Variants in ADGRV1 observed in about 807,000 individuals in gnomAD.
ADGRV1 encodes the protein adhesion G protein-coupled receptor V1, also known as G-protein coupled receptor 98.
In ADGRV1, 359 loss-of-function variants were observed where a neutral mutation model predicts 596.2. The ratio of observed to expected loss-of-function variants is 0.60; its 90% CI spans 0.55 to 0.66. The LOEUF (loss-of-function observed/expected upper bound fraction) is 0.66, where lower values mean the gene tolerates loss of function less well. Ranked by LOEUF, ADGRV1 falls within the 30% of genes least tolerant of loss-of-function variation. The probability of loss-of-function intolerance (pLI) is 0.00; values close to 1 mark genes in which losing one functional copy is unlikely to be tolerated. For synonymous variants in ADGRV1, 2,681 were observed against 2,679.2 expected (o/e 1.00, Z -0.02); for missense variants, 7,274 against 7,575.6 (o/e 0.96, Z 1.48).
chr5:91,099,839 A>C (rs1208105055), intron 86 of ADGRV1, among the ~76,000 whole-genome samples: 1 of 152,184 alleles, frequency 6.6e-6, no homozygotes, highest in Non-Finnish European at 1.5e-5. Context: ...CAATATATAG[A>C]GATAGATAGA....
At chr5:90,686,662 C>T (rs1451239481) in intron 29 of ADGRV1, among the ~76,000 whole-genome samples, 2 of 152,118 alleles carry the variant, frequency 1.3e-5, no homozygotes, top group African/African-American at 2.4e-5. Context: ...GTGAATAGTG[C>T]CGCAATAAAC....
chr5:90,931,033 A>G (rs1383283216), intron 83 of ADGRV1: 1 of 152,198 alleles, frequency 6.6e-6, no homozygotes, highest in African/African-American at 2.4e-5. Flanking sequence ...GTGACTCGGA[A>G]TAGATGACAC....
intron 50 of ADGRV1, among the ~76,000 whole-genome samples, chr5:90,732,396 T>C (rs1209239386): frequency 6.6e-6 from 1 of 152,196 alleles, no homozygotes; most frequent in African/African-American, 2.4e-5. Context: ...GATATACATA[T>C]AATGATATGT....
Position 90,863,669 on chromosome 5 carries a change from G to A in ADGRV1, c.17756-88G>A, listed in dbSNP as rs951120367. On this transcript the variant is annotated intron_variant, in intron 82 of 89. Coordinates refer to ENST00000405460, the MANE Select transcript of ADGRV1 (RefSeq NM_032119.4). ...CAGAGGCAGGTGGCAGACCTGACAT[G>A]CCTAGCTGCCCCCAAAGATTCTTGC... 7.4e-6 allele frequency: 7 copies of A among 947,130 alleles called. No homozygotes were observed. In the South Asian group the frequency reaches 9.1e-5, roughly 12 times the overall value. The allele number at this position is 947,130 out of a possible 1,614,324, so 58.7% of individuals were successfully genotyped here. A position where few individuals can be genotyped will look rare whatever the true frequency, so the allele number is the denominator to read the frequency against.
Position 90,653,388 on chromosome 5 carries a change from T to C in ADGRV1, c.3814T>C (p.Leu1272=), listed in dbSNP as rs753208531. The change falls in exon 20 of 90, where the codon TTG becomes CTG. Residue 1272 remains leucine (L), a synonymous_variant. Transcript: ENST00000405460. ...DMSYITNFTI[L]RQQGVFGDVQ... ...GTCTTATATTACCAACTTCACCATT[T>C]TGAGGCAGCAGGGTGTGTTTGGTGA... The C allele has an allele frequency of 8.7e-6, 14 of 1,613,972 alleles. No homozygotes were observed. In the East Asian group the frequency reaches 2.9e-4, roughly 33 times the overall value.
At chr5:90,851,565 G>C (rs1766531835) in intron 79 of ADGRV1, among the ~76,000 whole-genome samples, 1 of 152,150 alleles carries the variant, frequency 6.6e-6, no homozygotes, top group South Asian at 2.1e-4. Context: ...TCACTTGGAA[G>C]CCAAGTAAAA....
intron 1 of ADGRV1, among the ~76,000 whole-genome samples, chr5:90,575,305 G>A (rs1023914371): frequency 2.6e-5 from 4 of 151,918 alleles, no homozygotes; most frequent in Non-Finnish European, 1.5e-5. Flanking sequence ...CCAGGCTGGA[G>A]TGCAGTGGCA....
At chr5:90,997,105 G>T (rs542353513) in intron 85 of ADGRV1, among the ~76,000 whole-genome samples, 1 of 152,236 alleles carries the variant, frequency 6.6e-6, no homozygotes, top group East Asian at 1.9e-4. Flanking sequence ...AATATTTGGG[G>T]GCTGTTGAGA....
chr5:90,647,858 C>T (rs1194630321), intron 17 of ADGRV1, 94 bp downstream of exon 17: 1 of 1,069,784 alleles, frequency 9.3e-7, no homozygotes, highest in Non-Finnish European at 1.4e-6. Context: ...ACAAGTAGGG[C>T]CTAACTACAT....
intron 76 of ADGRV1, among the ~76,000 whole-genome samples, chr5:90,827,622 T>C (rs1764175512): frequency 6.6e-6 from 1 of 152,232 alleles, no homozygotes. Context: ...GTCTTGAATA[T>C]AGTTACTATA....
chr5:90,687,300 G>A (rs1488272403), intron 29 of ADGRV1, among the ~76,000 whole-genome samples: 4 of 152,138 alleles, frequency 2.6e-5, no homozygotes, highest in Non-Finnish European at 5.9e-5. Flanking sequence ...CCTATGTCCT[G>A]AATGGTAATG....
At chr5:90,778,712 T>A (rs1758522239) in intron 63 of ADGRV1, 103 bp downstream of exon 63, 1 of 1,078,350 alleles carries the variant, frequency 9.3e-7, no homozygotes, top group African/African-American at 1.6e-5. Context: ...ATTAATTTGC[T>A]CCAAACATCA....
chr5:91,036,510 T>G (rs1297764659), intron 85 of ADGRV1, among the ~76,000 whole-genome samples: 1 of 149,848 alleles, frequency 6.7e-6, no homozygotes, highest in Non-Finnish European at 1.5e-5. Context: ...TGCAGTGAGC[T>G]GAGATCGCGC....
chr5:91,001,751 C>A (rs1021886527), intron 85 of ADGRV1, among the ~76,000 whole-genome samples: 3 of 152,126 alleles, frequency 2.0e-5, no homozygotes, highest in African/African-American at 7.2e-5. Flanking sequence ...TCAATTACAT[C>A]TTTCAATACC....
At chr5:90,689,732 A>G in intron 29 of ADGRV1, 129 bp from the exon 30 acceptor site, 1 of 637,082 alleles carries the variant, frequency 1.6e-6, no homozygotes, top group Non-Finnish European at 2.7e-6. Context: ...GAATAAATGT[A>G]GTCAATATCC....
Position 90,823,418 on chromosome 5 carries a change from C to G in ADGRV1, c.16197-7C>G, listed in dbSNP as rs1339768739. The G allele has an allele frequency of 6.2e-7, 1 of 1,612,670 alleles. No individual in the cohort carries two copies. The highest frequency in any genetic ancestry group is 1.1e-5 in the South Asian group (1 of 90,588). On this transcript the variant is annotated splice_region_variant and splice_polypyrimidine_tract_variant and intron_variant, in intron 75 of 89. Transcript: ENST00000405460. ...TGTTAAGGCATTGGTGGGTTTCTTG[C>G]TCACAGGGCCTTTGAAGATGTCAAG...
intron 83 of ADGRV1, among the ~76,000 whole-genome samples, chr5:90,957,713 AT>A (rs1777607394): frequency 6.7e-6 from 1 of 150,326 alleles, no homozygotes; most frequent in African/African-American, 2.4e-5. Context: ...TTTAAAGATA[AT>A]TAACTATTGA....
At chr5:91,048,038 A>G (rs1785981805) in intron 85 of ADGRV1, among the ~76,000 whole-genome samples, 1 of 152,224 alleles carries the variant, frequency 6.6e-6, no homozygotes, top group Admixed American at 6.5e-5. Context: ...ATGAATAGGG[A>G]AGAGCGTGTG....
intron 85 of ADGRV1, among the ~76,000 whole-genome samples, chr5:91,057,106 T>C (rs778658699): frequency 4.6e-5 from 7 of 152,210 alleles, no homozygotes; most frequent in Non-Finnish European, 1.0e-4. Context: ...TCCACACACC[T>C]AGGTAATAGG....
Sources: gnomAD v4.1 joint callset for allele counts (sites outside exome capture counted in the v4.1 genomes callset) on GRCh38, gnomAD v4.1.1 for gene constraint, MANE v1.5 for transcripts, NCBI Gene and HGNC (gene_info 2026-07-23, HGNC 2026-07-21) for gene names.